Variants in SPATA20 observed in about 807,000 individuals in gnomAD.
SPATA20 encodes the protein spermatogenesis-associated protein 20.
Under a neutral mutation model 98.9 loss-of-function variants are expected in SPATA20, and 74 were observed. The observed-to-expected ratio is 0.75, with a 90% confidence interval of 0.62 to 0.91. SPATA20 has a LOEUF of 0.91. SPATA20 is among the 40% of genes least tolerant of loss of function. SPATA20 has a pLI of 0.00. For synonymous variants in SPATA20, 430 were observed against 440.5 expected (o/e 0.98, Z 0.30); for missense variants, 1,016 against 1,069.8 (o/e 0.95, Z 0.70).
At position 50,551,557 on chromosome 17, in the gene SPATA20, A is replaced by C. The variant is rs1597871607; in HGVS notation, c.1623A>C (p.Gln541His). The C allele has an allele frequency of 6.2e-7, 1 of 1,605,336 alleles. No individual in the cohort carries two copies. Among genetic ancestry groups the C allele is most frequent in the East Asian group, 2.2e-5 (1 of 44,566 alleles). The change falls in exon 13 of 17, where the codon CAA becomes CAC. Residue 541 changes from glutamine (Q) to histidine (H), a missense_variant. By Grantham distance (24) the Gln-to-His change is conservative (BLOSUM62 0). Transcript: ENST00000006658. ...CTGTGACTGGGGCTGTCCTGGGCCA[A>C]GACAGGCTGATCAACTATGCCACCA... ...GYAVTGAVLG[Q>H]DRLINYATNG...
chr17:50,548,474 C>T lies in SPATA20; in HGVS notation c.296+21C>T, dbSNP rs547794880. On this transcript the variant is annotated intron_variant, in intron 3 of 16. Transcript: ENST00000006658. ...GACTGGTGAGCACCTCTCCTGGGGC[C>T]CTGCCTGGAATCGCTGGGGTCCTGG... The T allele has an allele frequency of 9.5e-5, 153 of 1,613,708 alleles. 3 individuals are homozygous for T. The South Asian group carries it at 1.5e-3, about 16-fold the overall frequency.
intron 14 of SPATA20, 119 bp downstream of exon 14, chr17:50,552,299 G>A (rs887976060): frequency 2.6e-6 from 2 of 769,164 alleles, no homozygotes; most frequent in Non-Finnish European, 4.1e-6. Context: ...TTAATGGCGT[G>A]ATTTTTGGCT....
At position 50,548,378 on chromosome 17, in the gene SPATA20, C is replaced by T. The variant is rs533381003; in HGVS notation, c.221C>T (p.Pro74Leu). The T allele has an allele frequency of 2.5e-6, 4 of 1,614,026 alleles. No homozygotes were observed. Among genetic ancestry groups the T allele is most frequent in the African/African-American group, 1.3e-5 (1 of 75,050 alleles). Residue 74 changes from proline (P) to leucine (L), a missense_variant, in exon 3 of 17, where the codon CCC becomes CTC. Transcript: ENST00000006658. ...GGKGSHPSSTPQRVPNRLIHE... is the reference protein window; with the variant it reads ...GGKGSHPSSTLQRVPNRLIHE... ...AAAGGAAGCCATCCTTCATCTACAC[C>T]CCAGAGGGTCCCCAACCGCCTGATC... is the stretch of plus-strand genomic sequence containing the variant.
intron 15 of SPATA20, among the ~76,000 whole-genome samples, chr17:50,554,885 CTGTGTGTGTGTGTG>C (rs3062812): frequency 1.6e-4 from 22 of 141,548 alleles, no homozygotes; most frequent in Non-Finnish European, 2.4e-4. Flanking sequence ...TGGGCATCTA[CTGTGTGTGTGTGTG>C]TGTGTGTGTG....
At position 50,549,482 on chromosome 17, in the gene SPATA20, C is replaced by G. The variant is rs547110186; in HGVS notation, c.857C>G (p.Thr286Arg). 6.2e-7 allele frequency: 1 copy of G among 1,611,318 alleles called. No individual in the cohort carries two copies. Among genetic ancestry groups the G allele is most frequent in the Non-Finnish European group, 8.5e-7 (1 of 1,179,722 alleles). The change falls in exon 7 of 17, where the codon ACG becomes AGG. Residue 286 changes from threonine to arginine, a missense_variant. By Grantham distance (71) the Thr-to-Arg change is moderately conservative. Transcript: ENST00000006658. Reference sequence around the variant, plus strand: ...TTCGCTGAGGCCCCCAAGTTTCCCACGCCGGGTCAGTGCCCCACGCCCGCC... The same window carrying G: ...TTCGCTGAGGCCCCCAAGTTTCCCAGGCCGGGTCAGTGCCCCACGCCCGCC... ...GGFAEAPKFPTPVILSFLFSY... is the reference protein window; with the variant it reads ...GGFAEAPKFPRPVILSFLFSY...
chr17:50,552,197 G>C lies in SPATA20; in HGVS notation c.1957+17G>C, dbSNP rs1259701184. 2 of 1,610,528 alleles carry C rather than the reference G, an allele frequency of 1.2e-6. No individual in the cohort carries two copies. The highest frequency in any genetic ancestry group is 1.7e-6 in the Non-Finnish European group (2 of 1,178,146). On this transcript the variant is annotated intron_variant, in intron 14 of 16. Transcript: ENST00000006658. ...TGAAGGACGGTCAGTGGGGGTGCAG[G>C]GCTAGTCTGGGGTCCTGGGAGGTGT...
Position 50,554,311 on chromosome 17 carries a change from A to G in SPATA20, c.2018A>G (p.His673Arg). 1 of 1,614,182 alleles carries G rather than the reference A, an allele frequency of 6.2e-7. No individual in the cohort carries two copies. The highest frequency in any genetic ancestry group is 2.2e-5 in the East Asian group (1 of 44,872). Residue 673 changes from histidine (H) to arginine (R), a missense_variant, in exon 15 of 17, where the codon CAT (histidine) becomes CGT (arginine). His to Arg is a conservative substitution (Grantham distance 29). Transcript: ENST00000006658. Reference protein sequence around the residue: ...SVSAHNLLRLHGFTGHKDWMD... With the variant: ...SVSAHNLLRLRGFTGHKDWMD... The stretch of plus-strand genomic sequence containing the variant: ...TCAGCCCACAACCTGCTCCGGCTGC[A>G]TGGCTTCACGGGCCACAAGGACTGG...
chr17:50,551,318 G>C (rs1057085872), intron 12 of SPATA20, 128 bp downstream of exon 12: 5 of 1,191,654 alleles, frequency 4.2e-6, no homozygotes, highest in Non-Finnish European at 5.8e-6. Flanking sequence ...GACAAAAGAG[G>C]CTTAAGGAGC....
intron 14 of SPATA20, among the ~76,000 whole-genome samples, chr17:50,553,559 CTT>C (rs553958151): frequency 0.029 from 4,127 of 141,194 alleles, 98 homozygotes; most frequent in African/African-American, 0.065. Flanking sequence ...CGGAAGCCGT[CTT>C]TTTTTTTTTT....
At chr17:50,549,555 C>A in intron 7 of SPATA20, 68 bp downstream of exon 7, 1 of 1,475,098 alleles carries the variant, frequency 6.8e-7, no homozygotes, top group Non-Finnish European at 9.2e-7. Flanking sequence ...CAGGGACCTA[C>A]TGGCTCCTGG....
In SPATA20 at chr17:50,549,314, A is replaced by G. The variant is rs759756122; in HGVS notation, c.689A>G (p.Glu230Gly). 1.2e-6 allele frequency: 2 copies of G among 1,612,406 alleles called. No homozygotes were observed. The highest frequency in any genetic ancestry group is 1.3e-5 in the African/African-American group (1 of 75,020). The change falls in exon 7 of 17, where the codon GAA becomes GGA. Residue 230 changes from glutamate to glycine, a missense_variant. By Grantham distance (98) the Glu-to-Gly change is moderately conservative. Coordinates refer to ENST00000006658, the MANE Select transcript of SPATA20 (RefSeq NM_022827.4). The part of the protein sequence containing the change: ...QWKQNKNTLL[E>G]NSQRVTTALL... ...AAACAGAACAAGAACACCCTGCTAGAAAATAGCCAGCGTGTCACCACTGCC... is the reference window on the plus strand; with the variant it reads ...AAACAGAACAAGAACACCCTGCTAGGAAATAGCCAGCGTGTCACCACTGCC...
chr17:50,548,096 C>T, intron 2 of SPATA20, 187 bp from the exon 3 acceptor site: 2 of 1,507,674 alleles, frequency 1.3e-6, no homozygotes, highest in Non-Finnish European at 1.8e-6. Context: ...TGAGCCACCT[C>T]TCCTCACCCC....
chr17:50,547,998 C>T (rs1459668235), intron 2 of SPATA20: 4 of 1,479,856 alleles, frequency 2.7e-6, no homozygotes, highest in South Asian at 2.7e-5. Context: ...CCATTCTGCC[C>T]ATTGTGACCC....
chr17:50,552,175 A>T lies in SPATA20; in HGVS notation c.1952A>T (p.Lys651Met), dbSNP rs1444128847. Residue 651 changes from lysine to methionine, a missense_variant, in exon 14 of 17, where the codon AAG (lysine) becomes ATG (methionine). Lys to Met is a moderately conservative substitution (Grantham distance 95). Coordinates refer to ENST00000006658, the MANE Select transcript of SPATA20 (RefSeq NM_022827.4). ...GGGGCTGGCCTGCCCCTGCGTCTGA[A>T]GGACGGTCAGTGGGGGTGCAGGGCT... Reference protein sequence around the residue: ...ELGAGLPLRLKDDQDGAEPSA... With the variant: ...ELGAGLPLRLMDDQDGAEPSA... The T allele has an allele frequency of 6.2e-7, 1 of 1,613,382 alleles. No individual in the cohort carries two copies. Among genetic ancestry groups the T allele is most frequent in the Non-Finnish European group, 8.5e-7 (1 of 1,179,940 alleles).
rs764869588 is a variant in SPATA20 at position 50,548,888 on chromosome 17, G to A, written c.440G>A (p.Ser147Asn). The A allele has an allele frequency of 2.5e-6, 4 of 1,614,048 alleles. No homozygotes were observed. The African/African-American group carries it at 4.0e-5, about 16-fold the overall frequency. Reference protein sequence around the residue: ...FQNEEIGRLLSEDFVSVKVDR... With the variant: ...FQNEEIGRLLNEDFVSVKVDR... Reference sequence around the variant, plus strand: ...AATGAGGAGATTGGCCGCCTGCTCAGTGAGGACTTTGTGAGTGTGAAGGTA... The same window carrying A: ...AATGAGGAGATTGGCCGCCTGCTCAATGAGGACTTTGTGAGTGTGAAGGTA... Residue 147 changes from serine (S) to asparagine (N), a missense_variant, in exon 5 of 17, where the codon AGT becomes AAT. Transcript: ENST00000006658.
chr17:50,549,406 A>G lies in SPATA20; in HGVS notation c.781A>G (p.Asn261Asp). The G allele has an allele frequency of 1.2e-6, 2 of 1,612,724 alleles. No homozygotes were observed. Among genetic ancestry groups the G allele is most frequent in the Non-Finnish European group, 1.7e-6 (2 of 1,179,992 alleles). ...GCCGCCCTCTGCCGCCACCGTGAAC[A>G]ATCGCTGCTTCCAGCAGCTGGATGA... ...QLPPSAATVNNRCFQQLDEGY... is the reference protein window; with the variant it reads ...QLPPSAATVNDRCFQQLDEGY... The change falls in exon 7 of 17, where the codon AAT (asparagine) becomes GAT (aspartate). Residue 261 changes from asparagine to aspartate, a missense_variant. Asn to Asp is a conservative substitution (Grantham distance 23). Transcript: ENST00000006658.
At chr17:50,547,908 CAG>C in intron 2 of SPATA20, 141 bp downstream of exon 2, 1 of 1,434,514 alleles carries the variant, frequency 7.0e-7, no homozygotes, top group Admixed American at 2.0e-5. Flanking sequence ...CCAGGCCTGC[CAG>C]AGAGATGCCT....
Position 50,550,755 on chromosome 17 carries a change from G to A in SPATA20, c.1221G>A (p.Arg407=). The stretch of plus-strand genomic sequence containing the variant: ...AAGATGCAGACTCGCCCCCAGAGCG[G>A]GGCCAGCGGCCCAAAGAGGGCGCCT... The part of the protein sequence containing the change: ...SAEDADSPPE[R]GQRPKEGAYY... The change falls in exon 11 of 17, where the codon CGG becomes CGA. Residue 407 remains arginine, a synonymous_variant. Coordinates refer to ENST00000006658, the MANE Select transcript of SPATA20 (RefSeq NM_022827.4). The A allele has an allele frequency of 6.2e-7, 1 of 1,613,254 alleles. No individual in the cohort carries two copies. The highest frequency in any genetic ancestry group is 8.5e-7 in the Non-Finnish European group (1 of 1,180,034).
intron 9 of SPATA20, 41 bp from the exon 10 acceptor site, chr17:50,550,495 G>A (rs993274031): frequency 7.0e-6 from 11 of 1,573,360 alleles, no homozygotes; most frequent in Non-Finnish European, 9.5e-6. Flanking sequence ...GGCCTCCCCA[G>A]TGACCTCTCT....
Sources: gnomAD v4.1 joint callset for allele counts (sites outside exome capture counted in the v4.1 genomes callset) on GRCh38, gnomAD v4.1.1 for gene constraint, MANE v1.5 for transcripts, NCBI Gene and HGNC (gene_info 2026-07-23, HGNC 2026-07-21) for gene names.